Variants in CNTNAP5 observed in about 807,000 individuals in gnomAD.
CNTNAP5 encodes the protein contactin associated protein family member 5.
In CNTNAP5, 72 loss-of-function variants were observed where a neutral mutation model predicts 150.2. That is an observed-to-expected ratio of 0.48 (90% CI 0.40 to 0.58). The LOEUF is 0.58. CNTNAP5 is among the 20% of genes least tolerant of loss of function. The pLI, the probability that CNTNAP5 is intolerant of heterozygous loss-of-function variation, is 0.00. For synonymous variants in CNTNAP5, 672 were observed against 619.8 expected (o/e 1.08, Z -1.25); for missense variants, 1,636 against 1,626.2 (o/e 1.01, Z -0.10).
chr2:124,907,009 A>C (rs919635906), intron 22 of CNTNAP5, among the ~76,000 whole-genome samples: 3 of 152,122 alleles, frequency 2.0e-5, no homozygotes, highest in Non-Finnish European at 2.9e-5. Context: ...GCAATGGTTC[A>C]GGGAATTAGG....
intron 7 of CNTNAP5, among the ~76,000 whole-genome samples, chr2:124,492,851 T>C (rs1172673919): frequency 6.6e-6 from 1 of 152,160 alleles, no homozygotes; most frequent in African/African-American, 2.4e-5. Flanking sequence ...TATTTATTAG[T>C]TCTAGCAAAT....
intron 14 of CNTNAP5, among the ~76,000 whole-genome samples, chr2:124,756,635 C>A (rs1457656724): frequency 1.3e-5 from 2 of 152,042 alleles, no homozygotes; most frequent in Non-Finnish European, 1.5e-5. Flanking sequence ...GAGCTGAAAG[C>A]CTTTATTCTC....
chr2:124,211,521 C>A (rs1558803017), intron 1 of CNTNAP5, among the ~76,000 whole-genome samples: 1 of 136,706 alleles, frequency 7.3e-6, no homozygotes, highest in Non-Finnish European at 1.6e-5. Flanking sequence ...AACACACACA[C>A]AAACACACAC....
chr2:124,911,754 G>C (rs1427302297), intron 23 of CNTNAP5, among the ~76,000 whole-genome samples: 1 of 152,060 alleles, frequency 6.6e-6, no homozygotes, highest in Non-Finnish European at 1.5e-5. Context: ...TCTTGCCTCT[G>C]ATTCATGAGG....
intron 13 of CNTNAP5, among the ~76,000 whole-genome samples, chr2:124,704,270 C>G (rs1011881916): frequency 2.6e-5 from 4 of 152,170 alleles, no homozygotes; most frequent in Non-Finnish European, 5.9e-5. Context: ...CCCCAGGGGG[C>G]CCGCAGAGGG....
At chr2:124,103,326 TG>T (rs1195175321) in intron 1 of CNTNAP5, among the ~76,000 whole-genome samples, 1 of 152,076 alleles carries the variant, frequency 6.6e-6, no homozygotes, top group Non-Finnish European at 1.5e-5. Context: ...AATTTATGAT[TG>T]AAGAATAATT....
chr2:124,563,914 C>A (rs1404579699), intron 11 of CNTNAP5, among the ~76,000 whole-genome samples: 2 of 152,226 alleles, frequency 1.3e-5, no homozygotes, highest in African/African-American at 4.8e-5. Context: ...CACTCACATT[C>A]CACTGGCCAA....
At chr2:124,173,978 G>A (rs1685000411) in intron 1 of CNTNAP5, among the ~76,000 whole-genome samples, 1 of 151,976 alleles carries the variant, frequency 6.6e-6, no homozygotes, top group South Asian at 2.1e-4. Context: ...AAATTCTAGG[G>A]CCCTTAAGAA....
chr2:124,429,416 T>A (rs928421570), intron 4 of CNTNAP5, among the ~76,000 whole-genome samples: 1 of 152,224 alleles, frequency 6.6e-6, no homozygotes, highest in African/African-American at 2.4e-5. Flanking sequence ...ATTAACTATA[T>A]TAAATAAAAT....
intron 1 of CNTNAP5, among the ~76,000 whole-genome samples, chr2:124,167,307 TC>T (rs1397710870): frequency 6.6e-6 from 1 of 152,288 alleles, no homozygotes; most frequent in Non-Finnish European, 1.5e-5. Flanking sequence ...TAATGTATTT[TC>T]ACATGTGACT....
intron 2 of CNTNAP5, among the ~76,000 whole-genome samples, chr2:124,233,377 CA>C (rs1686670590): frequency 6.6e-6 from 1 of 152,088 alleles, no homozygotes; most frequent in Admixed American, 6.6e-5. Flanking sequence ...GAAATTCTGG[CA>C]GTAGAAACCT....
At chr2:124,805,953 A>G (rs900533034) in intron 19 of CNTNAP5, among the ~76,000 whole-genome samples, 2 of 152,156 alleles carry the variant, frequency 1.3e-5, no homozygotes, top group African/African-American at 4.8e-5. Context: ...TTTACCCTGA[A>G]TTACTTTGTT....
chr2:124,649,731 C>T (rs914784333), intron 13 of CNTNAP5, among the ~76,000 whole-genome samples: 1 of 152,084 alleles, frequency 6.6e-6, no homozygotes, highest in African/African-American at 2.4e-5. Flanking sequence ...GATTTCACCA[C>T]CTGAAAAGTT....
At chr2:124,393,724 G>C (rs1315277547) in intron 3 of CNTNAP5, among the ~76,000 whole-genome samples, 2 of 152,204 alleles carry the variant, frequency 1.3e-5, no homozygotes, top group African/African-American at 4.8e-5. Flanking sequence ...AAGTAAAGCG[G>C]GGCAGGATGT....
chr2:124,712,189 A>C (rs549265191), intron 13 of CNTNAP5, among the ~76,000 whole-genome samples: 6 of 152,324 alleles, frequency 3.9e-5, no homozygotes, highest in Non-Finnish European at 8.8e-5. Flanking sequence ...CTTCAGACTC[A>C]TGTTGGGTGG....
intron 8 of CNTNAP5, among the ~76,000 whole-genome samples, chr2:124,512,355 A>C (rs1295923927): frequency 6.6e-6 from 1 of 152,046 alleles, no homozygotes; most frequent in Non-Finnish European, 1.5e-5. Flanking sequence ...TGGTTTTGGC[A>C]CAATAAAATG....
intron 6 of CNTNAP5, among the ~76,000 whole-genome samples, chr2:124,448,352 C>A (rs1360284136): frequency 6.6e-6 from 1 of 151,760 alleles, no homozygotes; most frequent in East Asian, 1.9e-4. Context: ...TCATTGATTT[C>A]TAATTATTTC....
intron 1 of CNTNAP5, among the ~76,000 whole-genome samples, chr2:124,101,121 T>C (rs1375526465): frequency 3.3e-5 from 5 of 152,152 alleles, no homozygotes; most frequent in African/African-American, 1.2e-4. Flanking sequence ...ATGCGAATGC[T>C]TGGAAGATTC....
chr2:124,209,540 C>T (rs1309601891), intron 1 of CNTNAP5, among the ~76,000 whole-genome samples: 1 of 152,208 alleles, frequency 6.6e-6, no homozygotes, highest in East Asian at 1.9e-4. Flanking sequence ...CTGTTGCCCA[C>T]ACATTTTCCA....
Sources: allele counts gnomAD v4.1 joint callset (sites outside exome capture counted in the v4.1 genomes callset), GRCh38; gene constraint gnomAD v4.1.1; transcripts MANE v1.5; gene names NCBI Gene and HGNC (gene_info 2026-07-23, HGNC 2026-07-21).